Variants in CDYL observed in about 807,000 individuals in gnomAD.
CDYL encodes the protein chromodomain Y like.
A neutral mutation model predicts 47.3 loss-of-function variants in CDYL; 8 were observed. That is an observed-to-expected ratio of 0.17 (90% confidence interval 0.10 to 0.31). The LOEUF is 0.31. Ranked by LOEUF, CDYL falls within the 10% of genes least tolerant of loss-of-function variation. CDYL has a pLI of 1.00. For missense variants in CDYL, 471 were observed against 701.4 expected, an observed-to-expected ratio of 0.67 and a Z score of 3.71; for synonymous variants, 266 against 265.0, an observed-to-expected ratio of 1.00 and a Z score of -0.04.
rs779670528 is a variant in CDYL, at chr6:4,742,871, C to G, written c.186+8027C>G. 1.1e-4 allele frequency among the ~76,000 whole-genome samples: 16 copies of G among 152,316 alleles called. 1 individual carries two copies. Among genetic ancestry groups the G allele is most frequent in the Admixed American group, 2.6e-4 (4 of 15,306 alleles). ...CATGGTTTCCACCGCCAACTTCTTG[C>G]TTGTGCAGGTGCAGGTTCCCAGGAA... On this transcript the variant is annotated intron_variant, in intron 3 of 8. Transcript: ENST00000328908.
chr6:4,831,031 C>G (rs1463125751), intron 1 of CDYL, among the ~76,000 whole-genome samples: 1 of 151,952 alleles, frequency 6.6e-6, no homozygotes, highest in African/African-American at 2.4e-5. Context: ...GGTTCCAAGT[C>G]TTTGCTATTG....
intron 1 of CDYL, among the ~76,000 whole-genome samples, chr6:4,790,523 CCTCAT>C (rs1194789103): frequency 1.3e-5 from 2 of 152,166 alleles, no homozygotes; most frequent in African/African-American, 4.8e-5. Context: ...CATTTGAGTT[CCTCAT>C]CTGCCTTTTC....
chr6:4,900,800 T>C (rs1167329553), intron 2 of CDYL, among the ~76,000 whole-genome samples: 1 of 83,138 alleles, frequency 1.2e-5, no homozygotes, highest in African/African-American at 5.1e-5. Context: ...TATATATATA[T>C]ATATATATAT....
At chr6:4,850,087 A>T (rs1760779314) in intron 1 of CDYL, among the ~76,000 whole-genome samples, 1 of 152,086 alleles carries the variant, frequency 6.6e-6, no homozygotes, top group Non-Finnish European at 1.5e-5. Flanking sequence ...TTTGTGGGTA[A>T]GAGGAATATT....
intron 2 of CDYL, among the ~76,000 whole-genome samples, chr6:4,907,954 C>A (rs1473743290): frequency 2.0e-5 from 3 of 152,098 alleles, no homozygotes; most frequent in African/African-American, 4.8e-5. Context: ...CAGTTTGGCC[C>A]CCCTTGAGCT....
intron 3 of CDYL, among the ~76,000 whole-genome samples, chr6:4,752,770 G>A (rs1025736984): frequency 6.6e-5 from 10 of 152,084 alleles, no homozygotes; most frequent in East Asian, 1.9e-4. Context: ...ACATGGCGGC[G>A]AGGACCAAAT....
At chr6:4,914,267 G>T (rs940746588) in intron 2 of CDYL, among the ~76,000 whole-genome samples, 3 of 142,592 alleles carry the variant, frequency 2.1e-5, no homozygotes, top group Non-Finnish European at 4.5e-5. Flanking sequence ...AGGGTTTGCT[G>T]CCCTTCCCCC....
At chr6:4,952,221 G>A (rs778708824) in intron 5 of CDYL, 45 bp from the exon 6 acceptor site, 45 of 1,590,418 alleles carry the variant, frequency 2.8e-5, no homozygotes, top group Middle Eastern at 3.4e-4. Context: ...TTCCCCGCCC[G>A]CCTCCCACCG....
chr6:4,897,462 T>C (rs1439509320), intron 2 of CDYL, among the ~76,000 whole-genome samples: 2 of 152,220 alleles, frequency 1.3e-5, no homozygotes, highest in African/African-American at 4.8e-5. Flanking sequence ...TGATTTCCTC[T>C]CAGTAAGAAT....
intron 1 of CDYL, among the ~76,000 whole-genome samples, chr6:4,712,693 G>C (rs1328530051): frequency 2.0e-5 from 3 of 152,208 alleles, no homozygotes; most frequent in African/African-American, 7.2e-5. Context: ...GATTCGGACT[G>C]TTAGAACGAG....
intron 1 of CDYL, among the ~76,000 whole-genome samples, chr6:4,832,372 T>G (rs1281403032): frequency 3.3e-5 from 5 of 151,518 alleles, no homozygotes; most frequent in East Asian, 3.9e-4. Flanking sequence ...ATATGCTGGA[T>G]TACATTTATT....
intron 1 of CDYL, among the ~76,000 whole-genome samples, chr6:4,853,893 G>A (rs754790115): frequency 2.0e-4 from 30 of 151,946 alleles, no homozygotes; most frequent in Non-Finnish European, 3.5e-4. Context: ...CCGTGCCTTC[G>A]CACACCTTGT....
At chr6:4,865,780 C>T (rs549841863) in intron 1 of CDYL, among the ~76,000 whole-genome samples, 88 of 152,226 alleles carry the variant, frequency 5.8e-4, no homozygotes, top group Non-Finnish European at 1.1e-3. Context: ...TGTTTGCCTT[C>T]GGTAGCATAG....
At chr6:4,738,740 A>G (rs1261065767) in intron 3 of CDYL, among the ~76,000 whole-genome samples, 8 of 152,260 alleles carry the variant, frequency 5.3e-5, no homozygotes, top group Admixed American at 5.2e-4. Flanking sequence ...GTTGCTCTAT[A>G]GTAGAGATTA....
intron 1 of CDYL, among the ~76,000 whole-genome samples, chr6:4,852,761 A>G (rs1333808230): frequency 2.6e-5 from 4 of 151,814 alleles, no homozygotes; most frequent in African/African-American, 7.3e-5. Context: ...TTTGAGTTGT[A>G]CAATTTTTAG....
intron 1 of CDYL, among the ~76,000 whole-genome samples, chr6:4,831,036 C>A (rs1344860812): frequency 2.6e-5 from 4 of 152,030 alleles, no homozygotes; most frequent in African/African-American, 9.7e-5. Flanking sequence ...CAAGTCTTTG[C>A]TATTGTGAAT....
intron 3 of CDYL, among the ~76,000 whole-genome samples, chr6:4,738,609 G>T (rs191485938): frequency 1.1e-4 from 17 of 152,264 alleles, no homozygotes; most frequent in African/African-American, 4.1e-4. Flanking sequence ...CAATCACTTT[G>T]GAGAAAAAGT....
intron 4 of CDYL, among the ~76,000 whole-genome samples, chr6:4,942,255 ACT>A (rs1758381148): frequency 6.6e-6 from 1 of 152,000 alleles, no homozygotes; most frequent in African/African-American, 2.4e-5. Context: ...CAGCCGCTAA[ACT>A]CTGCAATTCC....
intron 1 of CDYL, among the ~76,000 whole-genome samples, chr6:4,712,172 G>A (rs560991941): frequency 6.6e-6 from 1 of 152,302 alleles, no homozygotes; most frequent in East Asian, 1.9e-4. Flanking sequence ...GTCAAGCCAG[G>A]ACAGGCAGAA....
Sources: gnomAD v4.1 joint callset for allele counts (sites outside exome capture counted in the v4.1 genomes callset) on GRCh38, gnomAD v4.1.1 for gene constraint, MANE v1.5 for transcripts, NCBI Gene and HGNC (gene_info 2026-07-23, HGNC 2026-07-21) for gene names.